The following AIRE variants were observed in gnomAD, a reference collection of about 807,000 sequenced individuals.
The protein encoded by AIRE is autoimmune regulator, also known as autoimmune polyendocrinopathy candidiasis ectodermal dystrophy protein.
In AIRE, 52 loss-of-function variants were observed where a neutral mutation model predicts 62.1. The observed-to-expected ratio is 0.84, with a 90% CI of 0.67 to 1.06. The LOEUF (loss-of-function observed/expected upper bound fraction) is 1.06, where lower values mean the gene tolerates loss of function less well. Ranked by LOEUF, AIRE falls within the 50% of genes least tolerant of loss-of-function variation. The probability of loss-of-function intolerance (pLI) is 0.00; values close to 1 mark genes in which losing one functional copy is unlikely to be tolerated. For missense variants in AIRE, 774 were observed against 755.8 expected, an observed-to-expected ratio of 1.02 and a Z score of -0.28; for synonymous variants, 342 against 321.6, an observed-to-expected ratio of 1.06 and a Z score of -0.68.
Position 44,293,791 on chromosome 21 carries a change from C to T in AIRE, c.1281C>T (p.Asn427=). ...CCCCGCGCTGTTGCCTCCCACAGAA[C>T]CTGGCTCCTGGTGCGCGTTGCGGGG... ...LLCVGPEGQQ[N]LAPGARCGVC... is the part of the protein sequence containing the mutation. The change falls in exon 11 of 14, where the codon AAC becomes AAT. Residue 427 remains asparagine (N), a splice_region_variant and synonymous_variant. Transcript: ENST00000291582. 1 of 1,596,288 alleles carries T rather than the reference C, an allele frequency of 6.3e-7. No individual in the cohort carries two copies. The highest frequency in any genetic ancestry group is 1.1e-5 in the South Asian group (1 of 91,022).
intron 9 of AIRE, among the ~76,000 whole-genome samples, chr21:44,292,743 G>A (rs1440799622): frequency 6.6e-6 from 1 of 152,168 alleles, no homozygotes; most frequent in Admixed American, 6.5e-5. Flanking sequence ...TGTTCCCTCT[G>A]ACAGCCCTGA....
chr21:44,294,488 C>T lies in AIRE; in HGVS notation c.1488C>T (p.Ala496=). Residue 496 remains alanine (A), a synonymous_variant, in exon 12 of 14, where the codon GCC becomes GCT. Transcript: ENST00000291582. The part of the protein sequence containing the change: ...GVLAPSPARL[A]PGPAKDDTAS... ...TGGCCCCCAGCCCCGCCCGCCTGGC[C>T]CCTGGGCCTGCCAAGGTCAGTGCCG... 6.6e-7 allele frequency: 1 copy of T among 1,520,166 alleles called. No individual in the cohort carries two copies. The allele number at this position is 1,520,166 out of a possible 1,614,324, so 94.2% of individuals were successfully genotyped here.
rs547235267 is a variant in AIRE at position 44,290,890 on chromosome 21, G to A, written c.880-205G>A. The A allele has an allele frequency of 4.2e-5, 67 of 1,607,020 alleles. 1 individual carries two copies. In the South Asian group the frequency reaches 4.7e-4, roughly 11 times the overall value. On this transcript the variant is annotated intron_variant, in intron 7 of 13. Coordinates refer to ENST00000291582, the MANE Select transcript of AIRE (RefSeq NM_000383.4). The stretch of plus-strand genomic sequence containing the variant: ...TTTTCTTCCCAATAGGGATGGCCCC[G>A]GGGGGTGTCTGTTGGAGACCAGATG...
chr21:44,286,762 G>A lies in AIRE; in HGVS notation c.307+31G>A. The A allele has an allele frequency of 6.2e-7, 1 of 1,610,582 alleles. No individual in the cohort carries two copies. The highest frequency in any genetic ancestry group is 8.5e-7 in the Non-Finnish European group (1 of 1,178,322). Reference sequence around the variant, plus strand: ...TCCTGGTGGACTCAGCCATGCTGGGGGCCTGGGGCAGCTGCTGTCACCTGC... The same window carrying A: ...TCCTGGTGGACTCAGCCATGCTGGGAGCCTGGGGCAGCTGCTGTCACCTGC... On this transcript the variant is annotated intron_variant, in intron 2 of 13. Coordinates refer to ENST00000291582, the MANE Select transcript of AIRE (RefSeq NM_000383.4). The surrounding 1 kb of genome is among the most constrained non-coding windows in gnomAD (Gnocchi z 6.0).
At chr21:44,296,352 G>C (rs1412850263) in intron 12 of AIRE, 31 bp from the exon 13 acceptor site, 6 of 1,599,564 alleles carry the variant, frequency 3.8e-6, no homozygotes, top group Non-Finnish European at 5.1e-6. Flanking sequence ...TGTGGGAGTT[G>C]GGCTGACCTC....
chr21:44,294,806 G>T (rs1435861179), intron 12 of AIRE, among the ~76,000 whole-genome samples: 1 of 152,166 alleles, frequency 6.6e-6, no homozygotes, highest in African/African-American at 2.4e-5. Context: ...CCCTGGTGGG[G>T]TGAAGGGAGA....
Position 44,287,627 on chromosome 21 carries a change from C to A in AIRE, c.538+36C>A. 6.5e-7 allele frequency: 1 copy of A among 1,536,708 alleles called. No homozygotes were observed. The highest frequency in any genetic ancestry group is 1.2e-5 in the South Asian group (1 of 83,776). On this transcript the variant is annotated intron_variant, in intron 4 of 13. Coordinates refer to ENST00000291582, the MANE Select transcript of AIRE (RefSeq NM_000383.4). The surrounding 1 kb of genome is among the most constrained non-coding windows in gnomAD (Gnocchi z 4.3). ...CCCAGTGGGAGCGCCTCCCTTCTCCCTGGCCAGGGGCAAGGGGTCAGGGGT... is the reference window on the plus strand; with the variant it reads ...CCCAGTGGGAGCGCCTCCCTTCTCCATGGCCAGGGGCAAGGGGTCAGGGGT...
At chr21:44,295,063 TG>T (rs766520444) in intron 12 of AIRE, among the ~76,000 whole-genome samples, 3 of 152,016 alleles carry the variant, frequency 2.0e-5, no homozygotes, top group Admixed American at 1.3e-4. Context: ...GAGCTGGGTG[TG>T]GGGGAGGCCC....
intron 7 of AIRE, chr21:44,290,536 G>A: frequency 1.2e-6 from 1 of 832,314 alleles, no homozygotes; most frequent in Non-Finnish European, 1.4e-6. Flanking sequence ...GCAGTGACAG[G>A]AGCCAGTCCT....
chr21:44,292,874 A>T, intron 9 of AIRE, 119 bp from the exon 10 acceptor site: 1 of 839,008 alleles, frequency 1.2e-6, no homozygotes, highest in Non-Finnish European at 2.0e-6. Context: ...CGCCCCCACC[A>T]TGCCAGGCCT....
chr21:44,286,604 C>T lies in AIRE; in HGVS notation c.180C>T (p.His60=), dbSNP rs201591958. 176 of 1,612,818 alleles carry T rather than the reference C, an allele frequency of 1.1e-4. 1 individual carries two copies. Among genetic ancestry groups the T allele is most frequent in the East Asian group, 8.9e-5 (4 of 44,884 alleles). ...AGGAGGGCTGCCCCCAGGCCTTCCA[C>T]GCCCTCCTGTCCTGGCTGCTGACCC... ...KEKEGCPQAF[H]ALLSWLLTQD... Residue 60 remains histidine (H), a synonymous_variant, in exon 2 of 14, where the codon CAC becomes CAT. Coordinates refer to ENST00000291582, the MANE Select transcript of AIRE (RefSeq NM_000383.4). The surrounding 1 kb of genome is among the most constrained non-coding windows in gnomAD (Gnocchi z 6.0).
Position 44,285,998 on chromosome 21 carries a change from G to A in AIRE, c.-9G>A. The A allele has an allele frequency of 6.5e-7, 1 of 1,527,448 alleles. No homozygotes were observed. Among genetic ancestry groups the A allele is most frequent in the Non-Finnish European group, 8.8e-7 (1 of 1,142,456 alleles). The allele number at this position is 1,527,448 out of a possible 1,614,324, so 94.6% of individuals were successfully genotyped here. On this transcript the variant is annotated 5_prime_UTR_variant, in exon 1 of 14. Coordinates refer to ENST00000291582, the MANE Select transcript of AIRE (RefSeq NM_000383.4). ...GTCCGCCCCAGCCCCGGGTCCCCGC[G>A]CCCACCCCATGGCGACGGACGCGGC...
chr21:44,290,527 CA>C, intron 7 of AIRE: 1 of 870,166 alleles, frequency 1.1e-6, no homozygotes, highest in Non-Finnish European at 1.4e-6. Context: ...TGGCACTTAG[CA>C]GTGACAGGAG....
In AIRE at chr21:44,286,507, C is replaced by T. The variant is rs768340546; in HGVS notation, c.133-50C>T. 1.5e-5 allele frequency: 24 copies of T among 1,564,524 alleles called. No homozygotes were observed. Among genetic ancestry groups the T allele is most frequent in the East Asian group, 2.3e-5 (1 of 44,276 alleles). Reference sequence around the variant, plus strand: ...CTAGTCATGATGGAGATGGGCAGGCCGCAGGGTGTGGGGGACCATGGCAGG... The same window carrying T: ...CTAGTCATGATGGAGATGGGCAGGCTGCAGGGTGTGGGGGACCATGGCAGG... On this transcript the variant is annotated intron_variant, in intron 1 of 13. Coordinates refer to ENST00000291582, the MANE Select transcript of AIRE (RefSeq NM_000383.4). The surrounding 1 kb of genome is among the most constrained non-coding windows in gnomAD (Gnocchi z 6.0).
chr21:44,293,901 C>T lies in AIRE; in HGVS notation c.1391C>T (p.Ser464Phe), dbSNP rs559428418. 42 of 1,596,692 alleles carry T rather than the reference C, an allele frequency of 2.6e-5. 1 individual carries two copies. The South Asian group carries it at 4.3e-4, about 16-fold the overall frequency. Residue 464 changes from serine to phenylalanine, a missense_variant, in exon 11 of 14, where the codon TCC (serine) becomes TTC (phenylalanine). This residue lies in a region of AIRE where 354 missense variants were observed against 296.1 expected (regional missense o/e 1.20). Transcript: ENST00000291582. Reference sequence around the variant, plus strand: ...CGCTGCCACTTCCCAGCCGGCACCTCCCGGCCCGGGTGAGTGAGCGTGGTC... The same window carrying T: ...CGCTGCCACTTCCCAGCCGGCACCTTCCGGCCCGGGTGAGTGAGCGTGGTC... ...HWRCHFPAGT[S>F]RPGTGLRCRS...
At position 44,286,389 on chromosome 21, in the gene AIRE, AC is replaced by A. The variant is rs2040482114; in HGVS notation, c.133-164del. ...AGGTTCCCCCAGCCCCACCCTCAAC[AC>A]CCCTACACCACCACCTGACTCCACC... On this transcript the variant is annotated intron_variant, in intron 1 of 13. Transcript: ENST00000291582. This position sits in a 1 kb window ranked among gnomAD's most constrained non-coding sequence, Gnocchi z 6.0. Among the ~76,000 whole-genome samples the A allele has an allele frequency of 6.8e-6, 1 of 146,370 alleles. No homozygotes were observed. Among genetic ancestry groups the A allele is most frequent in the African/African-American group, 2.5e-5 (1 of 39,218 alleles).
At chr21:44,296,827 G>C (rs759930624) in intron 13 of AIRE, among the ~76,000 whole-genome samples, 3 of 89,598 alleles carry the variant, frequency 3.3e-5, no homozygotes, top group Admixed American at 2.4e-4. Context: ...GCGTGGGAGT[G>C]GGGGGGGGGT....
chr21:44,294,486 G>C lies in AIRE; in HGVS notation c.1486G>C (p.Ala496Pro). Residue 496 changes from alanine (A) to proline (P), a missense_variant, in exon 12 of 14, where the codon GCC (alanine) becomes CCC (proline). By Grantham distance (27) the Ala-to-Pro change is conservative. Transcript: ENST00000291582. ...GVLAPSPARL[A>P]PGPAKDDTAS... ...GCTGGCCCCCAGCCCCGCCCGCCTG[G>C]CCCCTGGGCCTGCCAAGGTCAGTGC... 1 of 1,521,424 alleles carries C rather than the reference G, an allele frequency of 6.6e-7. No homozygotes were observed. The highest frequency in any genetic ancestry group is 2.1e-5 in the Admixed American group (1 of 48,522). The allele number at this position is 1,521,424 out of a possible 1,614,324, so 94.2% of individuals were successfully genotyped here.
At chr21:44,289,903 G>A (rs978615995) in intron 6 of AIRE, 85 bp from the exon 7 acceptor site, 14 of 1,602,510 alleles carry the variant, frequency 8.7e-6, no homozygotes, top group Non-Finnish European at 9.4e-6. Context: ...GCTGGGGGCT[G>A]CTGCCGAGAG....
Sources: allele counts gnomAD v4.1 joint callset (sites outside exome capture counted in the v4.1 genomes callset), GRCh38; gene constraint gnomAD v4.1.1; regional missense constraint gnomAD v4.1.1; non-coding constraint Gnocchi (gnomAD v3.1); transcripts MANE v1.5; gene names NCBI Gene and HGNC (gene_info 2026-07-23, HGNC 2026-07-21).